APMAP: variants seen among roughly 807,000 people sequenced by gnomAD.
The protein encoded by APMAP is adipocyte plasma membrane-associated protein.
A neutral mutation model predicts 43.6 loss-of-function variants in APMAP; 33 were observed. The observed-to-expected ratio is 0.76, with a 90% CI of 0.57 to 1.01. The LOEUF (loss-of-function observed/expected upper bound fraction) is 1.01, where lower values mean the gene tolerates loss of function less well. APMAP is among the 50% of genes least tolerant of loss of function. APMAP has a pLI of 0.00. For synonymous variants in APMAP, 224 were observed against 216.7 expected, an observed-to-expected ratio of 1.03 and a Z score of -0.30; for missense variants, 498 against 540.7, an observed-to-expected ratio of 0.92 and a Z score of 0.78.
At position 24,963,693 on chromosome 20, in the gene APMAP, A is replaced by G. The variant is rs1339049091; in HGVS notation, c.*120T>C. 1.4e-5 allele frequency: 15 copies of G among 1,035,028 alleles called. No homozygotes were observed. In the Admixed American group the frequency reaches 2.7e-4, roughly 19 times the overall value. 64.1% of individuals were successfully genotyped at this position (1,035,028 alleles called of 1,614,324 possible). A position where few individuals can be genotyped will look rare whatever the true frequency, so the allele number is the denominator to read the frequency against. On this transcript the variant is annotated 3_prime_UTR_variant, in exon 9 of 9. Coordinates refer to ENST00000217456, the MANE Select transcript of APMAP (RefSeq NM_020531.3). ...CAGCCATTCCCACCACCTCTCAGGGACTAACAGGTGCATGTGGACACTTGA... is the reference window on the plus strand; with the variant it reads ...CAGCCATTCCCACCACCTCTCAGGGGCTAACAGGTGCATGTGGACACTTGA...
Position 24,971,559 on chromosome 20 carries a change from G to A in APMAP, c.439C>T (p.Pro147Ser), listed in dbSNP as rs1568812447. 1 of 1,614,148 alleles carries A rather than the reference G, an allele frequency of 6.2e-7. No individual in the cohort carries two copies. Among genetic ancestry groups the A allele is most frequent in the Non-Finnish European group, 8.5e-7 (1 of 1,180,002 alleles). Residue 147 changes from proline (P) to serine (S), a missense_variant, in exon 5 of 9, where the codon CCT becomes TCT. Physicochemically the swap from Pro to Ser is moderately conservative, Grantham distance 74. Coordinates refer to ENST00000217456, the MANE Select transcript of APMAP (RefSeq NM_020531.3). ...ATACCCAGGGGTCTCCCACACACAGGCTCATCATCTCGGGTTTCTAGAAAA... is the reference window on the plus strand; with the variant it reads ...ATACCCAGGGGTCTCCCACACACAGACTCATCATCTCGGGTTTCTAGAAAA... The part of the protein sequence containing the change: ...SGPCKTRDDE[P>S]VCGRPLGIRA...
chr20:24,978,737 G>GCCC (rs760875477), intron 3 of APMAP, 30 bp downstream of exon 3: 9 of 1,313,210 alleles, frequency 6.9e-6, no homozygotes, highest in South Asian at 3.5e-5. Flanking sequence ...CAGCCTGGAA[G>GCCC]GCTCCCCCCC....
intron 2 of APMAP, among the ~76,000 whole-genome samples, chr20:24,981,317 G>T (rs1390659167): frequency 2.0e-5 from 3 of 152,212 alleles, no homozygotes; most frequent in Admixed American, 6.5e-5. Context: ...CAGAGTAACA[G>T]GGCATCTGTA....
Position 24,963,483 on chromosome 20 carries a change from T to C in APMAP, c.*330A>G, listed in dbSNP as rs559269262. The C allele has an allele frequency of 6.0e-6, 2 of 330,846 alleles. No homozygotes were observed. Among genetic ancestry groups the C allele is most frequent in the South Asian group, 3.0e-5 (1 of 33,330 alleles). The allele number at this position is 330,846 out of a possible 1,614,324, so 20.5% of individuals were successfully genotyped here. On this transcript the variant is annotated 3_prime_UTR_variant, in exon 9 of 9. Coordinates refer to ENST00000217456, the MANE Select transcript of APMAP (RefSeq NM_020531.3). ...GTAGTGCCTTACTGCTCCACCCACC[T>C]GAGCCCTGTTCCAAGTGCAAGGAGC...
intron 1 of APMAP, among the ~76,000 whole-genome samples, chr20:24,988,330 A>T (rs2088165003): frequency 6.6e-6 from 1 of 152,186 alleles, no homozygotes; most frequent in African/African-American, 2.4e-5. Context: ...TAAAATCTTG[A>T]TGTGGTAATC....
At chr20:24,972,135 G>A (rs114497196) in intron 4 of APMAP, among the ~76,000 whole-genome samples, 1,994 of 150,324 alleles carry the variant, frequency 0.013, 28 homozygotes, top group African/African-American at 0.045. Context: ...GCTCATTGCA[G>A]GTGCTTATTG....
chr20:24,976,004 A>G (rs2088047658), intron 3 of APMAP, among the ~76,000 whole-genome samples: 1 of 152,210 alleles, frequency 6.6e-6, no homozygotes, highest in Non-Finnish European at 1.5e-5. Flanking sequence ...AAATCTAGAC[A>G]CAAACCTTAT....
chr20:24,969,981 G>A (rs866796386), intron 6 of APMAP, among the ~76,000 whole-genome samples: 1 of 152,200 alleles, frequency 6.6e-6, no homozygotes, highest in South Asian at 2.1e-4. Flanking sequence ...ACCCTCAGAC[G>A]GACTGGCCTG....
chr20:24,970,475 TC>T, intron 5 of APMAP, 104 bp from the exon 6 acceptor site: 1 of 1,026,756 alleles, frequency 9.7e-7, no homozygotes, highest in Non-Finnish European at 1.4e-6. Context: ...AACTGAAACT[TC>T]TCCATGTCAT....
At chr20:24,984,641 C>T (rs1402850044) in intron 1 of APMAP, among the ~76,000 whole-genome samples, 2 of 152,238 alleles carry the variant, frequency 1.3e-5, no homozygotes, top group Non-Finnish European at 2.9e-5. Flanking sequence ...GTTATCCACA[C>T]AGGATCTATA....
intron 8 of APMAP, among the ~76,000 whole-genome samples, chr20:24,967,997 G>A (rs2087960939): frequency 6.6e-6 from 1 of 152,250 alleles, no homozygotes; most frequent in African/African-American, 2.4e-5. Flanking sequence ...CCCAGCAACA[G>A]GACTCAGCAA....
chr20:24,978,440 A>G (rs2088069302), intron 3 of APMAP, among the ~76,000 whole-genome samples: 1 of 152,260 alleles, frequency 6.6e-6, no homozygotes, highest in Non-Finnish European at 1.5e-5. Context: ...TAGCTATTTA[A>G]CTTTGATAAA....
At chr20:24,964,223 CT>C (rs1204567822) in intron 8 of APMAP, among the ~76,000 whole-genome samples, 7 of 152,212 alleles carry the variant, frequency 4.6e-5, no homozygotes, top group Non-Finnish European at 8.8e-5. Context: ...CACCCCACCC[CT>C]GTCCCTGTGA....
chr20:24,986,404 T>C (rs1239465017), intron 1 of APMAP, among the ~76,000 whole-genome samples: 2 of 152,306 alleles, frequency 1.3e-5, no homozygotes, highest in East Asian at 1.9e-4. Flanking sequence ...GCCCAGCTCC[T>C]GGAAGAGGGC....
chr20:24,965,453 A>T (rs1221112712), intron 8 of APMAP, among the ~76,000 whole-genome samples: 3 of 152,384 alleles, frequency 2.0e-5, no homozygotes, highest in African/African-American at 7.2e-5. Flanking sequence ...TGAGCAGGGT[A>T]CATGTGTGCA....
intron 7 of APMAP, among the ~76,000 whole-genome samples, chr20:24,969,308 G>C (rs6138438): frequency 0.092 from 14,036 of 152,220 alleles, 746 homozygotes; most frequent in Middle Eastern, 0.19. Flanking sequence ...GCCAGCAGGG[G>C]AATGGGGCCC....
intron 8 of APMAP, among the ~76,000 whole-genome samples, chr20:24,968,680 C>T (rs944402069): frequency 6.6e-6 from 1 of 151,956 alleles, no homozygotes; most frequent in African/African-American, 2.4e-5. Flanking sequence ...GTGAGGGTGA[C>T]AATAAAAACA....
chr20:24,964,093 GC>G, intron 8 of APMAP, 71 bp from the exon 9 acceptor site: 1 of 1,482,660 alleles, frequency 6.7e-7, no homozygotes, highest in Non-Finnish European at 9.3e-7. Context: ...CAACCGTGCC[GC>G]CCCCACCATC....
chr20:24,970,373 T>C lies in APMAP; in HGVS notation c.539-2A>G, dbSNP rs1424780082. On this transcript the variant is annotated splice_acceptor_variant, in intron 5 of 8. Transcript: ENST00000217456. LOFTEE classifies it high-confidence loss of function. ...AGGACAGCAGCAGTTTCACTTCACC[T>C]GAAGTTTAAAAAGAAAGAAAAAGAT... 2 of 1,601,104 alleles carry C rather than the reference T, an allele frequency of 1.2e-6. No individual in the cohort carries two copies. Among genetic ancestry groups the C allele is most frequent in the Non-Finnish European group, 1.7e-6 (2 of 1,172,916 alleles).
Sources: allele counts gnomAD v4.1 joint callset (sites outside exome capture counted in the v4.1 genomes callset), GRCh38; gene constraint gnomAD v4.1.1; transcripts MANE v1.5; gene names NCBI Gene and HGNC (gene_info 2026-07-23, HGNC 2026-07-21).